The following IL2RB variants were observed in gnomAD, a reference collection of about 807,000 sequenced individuals.
IL2RB encodes interleukin-2 receptor subunit beta.
A neutral mutation model predicts 44.2 loss-of-function variants in IL2RB; 17 were observed. The ratio of observed to expected loss-of-function variants is 0.38; its 90% CI spans 0.26 to 0.58. IL2RB has a LOEUF of 0.58. Among genes scored for constraint, IL2RB ranks in the 20% least tolerant of loss-of-function variants. The pLI, the probability that IL2RB is intolerant of heterozygous loss-of-function variation, is 0.63. For missense variants in IL2RB, 624 were observed against 685.5 expected (o/e 0.91, Z 1.00); for synonymous variants, 286 against 297.9 (o/e 0.96, Z 0.41).
chr22:37,152,466 T>C (rs1922527953), upstream of IL2RB, among the ~76,000 whole-genome samples: 2 of 152,236 alleles, frequency 1.3e-5, no homozygotes, highest in Admixed American at 6.5e-5. Context: ...CATAGTTTTG[T>C]GGTGGCGTTT....
At chr22:37,166,765 G>T (rs954428792) in intron 1 of IL2RB, 1 of 152,170 alleles carries the variant, frequency 6.6e-6, no homozygotes. Context: ...AGGTGAAGTC[G>T]CGGCCAGGAG....
chr22:37,127,371 C>G lies in IL2RB; in HGVS notation c.*725G>C, dbSNP rs923832112. On this transcript the variant is annotated 3_prime_UTR_variant, in exon 10 of 10. Transcript: ENST00000216223. Reference sequence around the variant, plus strand: ...GAAGTTTCTGGCAGATTAAGGGAGGCAGTGCTTCCCTCCAGGAGAAGCAAA... The same window carrying G: ...GAAGTTTCTGGCAGATTAAGGGAGGGAGTGCTTCCCTCCAGGAGAAGCAAA... 3.9e-5 allele frequency: 6 copies of G among 152,220 alleles called. No homozygotes were observed. The highest frequency in any genetic ancestry group is 1.4e-4 in the African/African-American group (6 of 41,448). 9.4% of individuals were successfully genotyped at this position (152,220 alleles called of 1,614,324 possible). A position where few individuals can be genotyped will look rare whatever the true frequency, so the allele number is the denominator to read the frequency against.
intron 1 of IL2RB, among the ~76,000 whole-genome samples, chr22:37,173,323 C>A (rs1923349430): frequency 6.6e-6 from 1 of 152,170 alleles, no homozygotes; most frequent in African/African-American, 2.4e-5. Flanking sequence ...AGACTGGAAG[C>A]CGCATGAGGG....
In IL2RB at chr22:37,133,177, C is replaced by T. The variant is rs1921515912; in HGVS notation, c.819-709G>A. ...GGAGAATGACATGGTGGAGAAAGCA[C>T]TGAAGGGGCGCAAGAACGACAAGGA... On this transcript the variant is annotated intron_variant, in intron 8 of 9. Coordinates refer to ENST00000216223, the MANE Select transcript of IL2RB (RefSeq NM_000878.5). 2.0e-5 allele frequency among the ~76,000 whole-genome samples: 3 copies of T among 152,182 alleles called. No individual in the cohort carries two copies. In the South Asian group the frequency reaches 6.2e-4, roughly 31 times the overall value.
At chr22:37,149,992 G>A, upstream of IL2RB, 1 of 843,208 alleles carries the variant, frequency 1.2e-6, no homozygotes, top group Non-Finnish European at 1.4e-6. Context: ...GCAAGGCCTG[G>A]GGTGGAGAGG....
In IL2RB at chr22:37,144,080, C is replaced by T; in HGVS notation, c.88+5G>A. 1 of 1,551,912 alleles carries T rather than the reference C, an allele frequency of 6.4e-7. No individual in the cohort carries two copies. The highest frequency in any genetic ancestry group is 8.7e-7 in the Non-Finnish European group (1 of 1,147,054). ...GCAGAGCTGTTCAGATGTCAGGGTCCTCACCATTCACCGCTGCAGATGCCC... is the reference window on the plus strand; with the variant it reads ...GCAGAGCTGTTCAGATGTCAGGGTCTTCACCATTCACCGCTGCAGATGCCC... On this transcript the variant is annotated splice_donor_5th_base_variant and intron_variant, in intron 2 of 9. Transcript: ENST00000216223.
In IL2RB at chr22:37,139,101, T is replaced by A; in HGVS notation, c.388+16A>T. 6.5e-7 allele frequency: 1 copy of A among 1,534,240 alleles called. No individual in the cohort carries two copies. Among genetic ancestry groups the A allele is most frequent in the Non-Finnish European group, 9.0e-7 (1 of 1,107,322 alleles). ...GCCCAGCCCTGCCCCAGCCCCACCCTGGCTTCCTCACTCACGGTTCTCAAA... is the reference window on the plus strand; with the variant it reads ...GCCCAGCCCTGCCCCAGCCCCACCCAGGCTTCCTCACTCACGGTTCTCAAA... On this transcript the variant is annotated intron_variant, in intron 5 of 9. Coordinates refer to ENST00000216223, the MANE Select transcript of IL2RB (RefSeq NM_000878.5).
rs764933753 is a variant in IL2RB at position 37,128,431 on chromosome 22, G to T, written c.1321C>A (p.Pro441Thr). The T allele has an allele frequency of 3.3e-6, 5 of 1,534,486 alleles. No individual in the cohort carries two copies. The highest frequency in any genetic ancestry group is 2.6e-6 in the Non-Finnish European group (3 of 1,139,496). Residue 441 changes from proline (P) to threonine (T), a missense_variant, in exon 10 of 10, where the codon CCA becomes ACA. Coordinates refer to ENST00000216223, the MANE Select transcript of IL2RB (RefSeq NM_000878.5). This position sits in a 1 kb window ranked among gnomAD's most constrained non-coding sequence, Gnocchi z 4.5. ...SPSLLGGPSP[P>T]STAPGGSGAG... ...CCACTGCCCCCAGGGGCAGTGCTTG[G>T]GGGGCTGGGGCCACCGAGGAGACTG...
intron 1 of IL2RB, among the ~76,000 whole-genome samples, chr22:37,167,648 C>G (rs1923129830): frequency 6.6e-6 from 1 of 152,214 alleles, no homozygotes; most frequent in African/African-American, 2.4e-5. Context: ...GCAGCTTTCC[C>G]AGCACCCCGT....
intron 8 of IL2RB, among the ~76,000 whole-genome samples, chr22:37,134,194 T>C (rs939049021): frequency 6.6e-6 from 1 of 152,212 alleles, no homozygotes; most frequent in Non-Finnish European, 1.5e-5. Flanking sequence ...AAATACAGCA[T>C]AACAACTATT....
chr22:37,147,921 C>T (rs1922303235), intron 1 of IL2RB, among the ~76,000 whole-genome samples: 1 of 152,248 alleles, frequency 6.6e-6, no homozygotes, highest in Non-Finnish European at 1.5e-5. Context: ...TATGCCCCTT[C>T]ACGCTCAATC....
intron 1 of IL2RB, among the ~76,000 whole-genome samples, chr22:37,172,319 G>T (rs1048935800): frequency 2.6e-5 from 4 of 151,738 alleles, no homozygotes; most frequent in Non-Finnish European, 4.4e-5. Flanking sequence ...GCTCCTTGGC[G>T]CCCGCTGTGC....
chr22:37,135,519 C>G, intron 7 of IL2RB, 77 bp from the exon 8 acceptor site: 1 of 865,462 alleles, frequency 1.2e-6, no homozygotes, highest in South Asian at 1.4e-5. Flanking sequence ...GTCACCCCAA[C>G]ACCCCCATCC....
chr22:37,163,121 G>A (rs1158199205), intron 1 of IL2RB, among the ~76,000 whole-genome samples: 1 of 152,176 alleles, frequency 6.6e-6, no homozygotes. Context: ...GGAACAGGCT[G>A]TAGCTAACCT....
intron 1 of IL2RB, among the ~76,000 whole-genome samples, chr22:37,145,831 G>A (rs574835023): frequency 3.3e-5 from 5 of 152,084 alleles, no homozygotes; most frequent in South Asian, 2.1e-4. Flanking sequence ...CTGAGCGTTG[G>A]GCATTTCCCC....
intron 2 of IL2RB, among the ~76,000 whole-genome samples, chr22:37,143,884 C>CGTGTGTGTGTGTGT (rs55819516): frequency 1.1e-4 from 16 of 139,894 alleles, no homozygotes; most frequent in African/African-American, 4.3e-4. Flanking sequence ...CTTGGAGAGG[C>CGTGTGTGTGTGTGT]GTGTGTGTGT....
At chr22:37,144,970 CA>C (rs3218270) in intron 1 of IL2RB, among the ~76,000 whole-genome samples, 3 of 151,676 alleles carry the variant, frequency 2.0e-5, no homozygotes, top group Admixed American at 6.6e-5. Context: ...GGCATCTGGC[CA>C]AAAAAAATTC....
rs143625717 is a variant in IL2RB, at chr22:37,144,869, C to G, written c.-33-664G>C. 5.3e-5 allele frequency among the ~76,000 whole-genome samples: 8 copies of G among 152,364 alleles called. No homozygotes were observed. The East Asian group carries it at 1.5e-3, about 29-fold the overall frequency. On this transcript the variant is annotated intron_variant, in intron 1 of 9. Transcript: ENST00000216223. ...CTCTATCTCTCTTCACAAACACACACAGAGTCACGTAAGCTCACTAAGGAC... is the reference window on the plus strand; with the variant it reads ...CTCTATCTCTCTTCACAAACACACAGAGAGTCACGTAAGCTCACTAAGGAC...
chr22:37,146,964 C>T (rs1404698480), intron 1 of IL2RB, among the ~76,000 whole-genome samples: 2 of 152,176 alleles, frequency 1.3e-5, no homozygotes, highest in Non-Finnish European at 2.9e-5. Flanking sequence ...GAGTCAGAGG[C>T]CCACGCACTG....
Sources: gnomAD v4.1 joint callset for allele counts (sites outside exome capture counted in the v4.1 genomes callset) on GRCh38, gnomAD v4.1.1 for gene constraint, Gnocchi (gnomAD v3.1) non-coding constraint, MANE v1.5 for transcripts, NCBI Gene and HGNC (gene_info 2026-07-23, HGNC 2026-07-21) for gene names.